The following EFNA5 variants were observed in gnomAD, a reference collection of about 807,000 sequenced individuals.
EFNA5 encodes ephrin-A5.
Under a neutral mutation model 22.9 loss-of-function variants are expected in EFNA5, and 5 were observed. That is an observed-to-expected ratio of 0.22 (90% CI 0.11 to 0.46). The LOEUF (loss-of-function observed/expected upper bound fraction) is 0.46. Among genes scored for constraint, EFNA5 ranks in the 20% least tolerant of loss-of-function variants. EFNA5 has a pLI of 0.99. For synonymous variants in EFNA5, 113 were observed against 112.2 expected (o/e 1.01, Z -0.04); for missense variants, 237 against 293.3 (o/e 0.81, Z 1.40).
chr5:107,455,791 C>A (rs1256299994), intron 1 of EFNA5, among the ~76,000 whole-genome samples: 1 of 152,138 alleles, frequency 6.6e-6, no homozygotes. Flanking sequence ...ATGGATAATT[C>A]TTTCCACTTT....
chr5:107,613,794 T>C (rs1487931704), intron 1 of EFNA5, among the ~76,000 whole-genome samples: 1 of 152,086 alleles, frequency 6.6e-6, no homozygotes, highest in Non-Finnish European at 1.5e-5. Flanking sequence ...AAGCAGGCCT[T>C]GTAGTTCTAA....
intron 1 of EFNA5, among the ~76,000 whole-genome samples, chr5:107,558,591 C>T (rs530754904): frequency 1.2e-4 from 19 of 152,220 alleles, no homozygotes; most frequent in South Asian, 1.2e-3. Flanking sequence ...TTTGAAGCCA[C>T]TCAAGAAAAA....
intron 1 of EFNA5, among the ~76,000 whole-genome samples, chr5:107,436,857 T>C (rs1749123963): frequency 6.6e-6 from 1 of 152,160 alleles, no homozygotes; most frequent in Non-Finnish European, 1.5e-5. Context: ...TTGTATCTTC[T>C]AGATACAAAA....
intron 1 of EFNA5, among the ~76,000 whole-genome samples, chr5:107,653,038 C>T (rs750164579): frequency 2.2e-4 from 33 of 152,078 alleles, no homozygotes; most frequent in African/African-American, 3.4e-4. Flanking sequence ...GTGTGTAATC[C>T]GACATGACAG....
chr5:107,509,305 C>G (rs1478964660), intron 1 of EFNA5, among the ~76,000 whole-genome samples: 1 of 151,290 alleles, frequency 6.6e-6, no homozygotes, highest in Non-Finnish European at 1.5e-5. Flanking sequence ...AGTGTCAACT[C>G]TTTTTCTTTT....
chr5:107,670,542 G>C lies in EFNA5; in HGVS notation c.72C>G (p.Gly24=), dbSNP rs1490578698. The change falls in exon 1 of 5, where the codon GGC becomes GGG. Residue 24 remains glycine (G), a synonymous_variant. Transcript: ENST00000333274. The part of the protein sequence containing the change: ...LWMCVFSQDP[G]SKAVADRYAV... The stretch of plus-strand genomic sequence containing the variant: ...CGTAGCGGTCGGCGACGGCCTTGGA[G>C]CCCGGGTCCTGGCTGAACACACACA... 20 of 1,591,930 alleles carry C rather than the reference G, an allele frequency of 1.3e-5. No homozygotes were observed. Among genetic ancestry groups the C allele is most frequent in the Non-Finnish European group, 1.4e-5 (16 of 1,169,018 alleles).
intron 1 of EFNA5, among the ~76,000 whole-genome samples, chr5:107,456,413 A>G (rs1019266459): frequency 1.3e-5 from 2 of 152,158 alleles, no homozygotes; most frequent in African/African-American, 4.8e-5. Context: ...ATGCACTGTC[A>G]TCTATCCATG....
intron 1 of EFNA5, among the ~76,000 whole-genome samples, chr5:107,570,993 C>G (rs1311464938): frequency 6.6e-6 from 1 of 152,166 alleles, no homozygotes; most frequent in East Asian, 1.9e-4. Flanking sequence ...CACATTCCTC[C>G]CTGGGGGGTA....
intron 1 of EFNA5, among the ~76,000 whole-genome samples, chr5:107,541,142 A>T (rs1748039036): frequency 6.6e-6 from 1 of 152,086 alleles, no homozygotes; most frequent in African/African-American, 2.4e-5. Context: ...AAAGAAAAAA[A>T]TTAACTTTTA....
At chr5:107,591,910 TAAAAA>T (rs1234808803) in intron 1 of EFNA5, among the ~76,000 whole-genome samples, 2,145 of 9,728 alleles carry the variant, frequency 0.22, 203 homozygotes, top group South Asian at 0.3. Flanking sequence ...ATATATAATA[TAAAAA>T]ATATATATAT....
intron 2 of EFNA5, among the ~76,000 whole-genome samples, chr5:107,416,623 A>G (rs962574402): frequency 6.6e-5 from 10 of 152,200 alleles, no homozygotes; most frequent in African/African-American, 2.4e-4. Flanking sequence ...GTGTTACCGG[A>G]GGAGTTATTA....
In EFNA5 at chr5:107,670,631, G is replaced by A. The variant is rs371484447; in HGVS notation, c.-18C>T. The A allele has an allele frequency of 2.4e-5, 39 of 1,597,510 alleles. No individual in the cohort carries two copies. The highest frequency in any genetic ancestry group is 4.6e-5 in the South Asian group (4 of 87,778). Reference sequence around the variant, plus strand: ...TGCAACATCACGCCTGGCCAGCGGCGGAGCCCCCGACGCGCCACTCCGGGG... The same window carrying A: ...TGCAACATCACGCCTGGCCAGCGGCAGAGCCCCCGACGCGCCACTCCGGGG... On this transcript the variant is annotated 5_prime_UTR_variant, in exon 1 of 5. Coordinates refer to ENST00000333274, the MANE Select transcript of EFNA5 (RefSeq NM_001962.3).
intron 1 of EFNA5, among the ~76,000 whole-genome samples, chr5:107,491,010 G>A (rs1746790730): frequency 6.6e-6 from 1 of 152,126 alleles, no homozygotes; most frequent in African/African-American, 2.4e-5. Context: ...CTTGCTTAAG[G>A]CTTAAGAACA....
intron 1 of EFNA5, among the ~76,000 whole-genome samples, chr5:107,653,900 C>T (rs935171528): frequency 6.6e-6 from 1 of 152,076 alleles, no homozygotes; most frequent in South Asian, 2.1e-4. Context: ...GCCTACTCTG[C>T]CCAGAATGGT....
chr5:107,514,140 T>G (rs370619114), intron 1 of EFNA5, among the ~76,000 whole-genome samples: 1 of 152,214 alleles, frequency 6.6e-6, no homozygotes, highest in African/African-American at 2.4e-5. Flanking sequence ...TGCCACCTCA[T>G]AAAACCCCAA....
At chr5:107,529,672 C>T (rs1747769726) in intron 1 of EFNA5, among the ~76,000 whole-genome samples, 1 of 152,200 alleles carries the variant, frequency 6.6e-6, no homozygotes. Context: ...TGTGCTGAAG[C>T]TATGGCTGTT....
intron 1 of EFNA5, among the ~76,000 whole-genome samples, chr5:107,561,073 C>T (rs1257074339): frequency 6.6e-6 from 1 of 151,992 alleles, no homozygotes; most frequent in African/African-American, 2.4e-5. Context: ...GGATATAATC[C>T]CTGTTCACTA....
At chr5:107,669,775 A>G (rs1751148295) in intron 1 of EFNA5, among the ~76,000 whole-genome samples, 1 of 152,014 alleles carries the variant, frequency 6.6e-6, no homozygotes, top group African/African-American at 2.4e-5. Context: ...TTCTGCACAC[A>G]TGACGTAACC....
intron 1 of EFNA5, among the ~76,000 whole-genome samples, chr5:107,570,662 C>T (rs1332297261): frequency 7.7e-6 from 1 of 129,152 alleles, no homozygotes; most frequent in Non-Finnish European, 1.6e-5. Context: ...GGGGTGGGGG[C>T]GGGCAGGTAT....
Sources: gnomAD v4.1 joint callset for allele counts (sites outside exome capture counted in the v4.1 genomes callset) on GRCh38, gnomAD v4.1.1 for gene constraint, MANE v1.5 for transcripts, NCBI Gene and HGNC (gene_info 2026-07-23, HGNC 2026-07-21) for gene names.